ADCY2: variants seen among roughly 807,000 people sequenced by gnomAD.
The protein encoded by ADCY2 is adenylate cyclase 2.
ADCY2 carries 31 observed loss-of-function variants against 125.2 expected under a neutral mutation model. That is an observed-to-expected ratio of 0.25 (90% confidence interval 0.19 to 0.33). The LOEUF is 0.33. Ranked by LOEUF, ADCY2 falls within the 10% of genes least tolerant of loss-of-function variation. The probability of loss-of-function intolerance (pLI) is 1.00; values close to 1 mark genes in which losing one functional copy is unlikely to be tolerated. For synonymous variants in ADCY2, 512 were observed against 548.4 expected (o/e 0.93, Z 0.93); for missense variants, 904 against 1,418.2 (o/e 0.64, Z 5.82).
chr5:7,402,544 G>A (rs1739303680), intron 1 of ADCY2, among the ~76,000 whole-genome samples: 1 of 152,276 alleles, frequency 6.6e-6, no homozygotes, highest in Non-Finnish European at 1.5e-5. Context: ...AAAAACCATT[G>A]TGGGCTGCTT....
intron 9 of ADCY2, chr5:7,708,067 C>A: frequency 2.2e-6 from 1 of 461,968 alleles, no homozygotes; most frequent in Non-Finnish European, 3.7e-6. Flanking sequence ...GGTGTTGATG[C>A]AGGTTGCTAG....
intron 2 of ADCY2, among the ~76,000 whole-genome samples, chr5:7,466,451 C>T (rs551827840): frequency 2.0e-5 from 3 of 152,296 alleles, no homozygotes; most frequent in Admixed American, 2.0e-4. Context: ...CCCCTTTTTA[C>T]AGGTGAAACC....
At chr5:7,412,662 C>T (rs574075196) in intron 1 of ADCY2, among the ~76,000 whole-genome samples, 3 of 152,366 alleles carry the variant, frequency 2.0e-5, no homozygotes, top group African/African-American at 7.2e-5. Context: ...TACTTGTTTT[C>T]TGCCAGTTCT....
intron 4 of ADCY2, chr5:7,657,912 G>A (rs1739393207): frequency 6.6e-6 from 1 of 152,234 alleles, no homozygotes; most frequent in Admixed American, 6.5e-5. Flanking sequence ...TGTGACTGAG[G>A]AGGGAGGCAG....
chr5:7,436,639 G>T (rs1740814478), intron 2 of ADCY2, among the ~76,000 whole-genome samples: 1 of 152,228 alleles, frequency 6.6e-6, no homozygotes, highest in Non-Finnish European at 1.5e-5. Context: ...ATCCCTGGAT[G>T]TTGACAGTGA....
intron 3 of ADCY2, among the ~76,000 whole-genome samples, chr5:7,613,164 A>G (rs1278153575): frequency 1.3e-5 from 2 of 152,060 alleles, no homozygotes; most frequent in African/African-American, 4.8e-5. Context: ...TAATAATAAA[A>G]AAAAAAAGAT....
chr5:7,511,587 A>C (rs1449092008), intron 2 of ADCY2, among the ~76,000 whole-genome samples: 7 of 152,098 alleles, frequency 4.6e-5, no homozygotes. Flanking sequence ...AAAAGAAAAA[A>C]AAATGTAGTG....
intron 2 of ADCY2, among the ~76,000 whole-genome samples, chr5:7,457,615 C>A (rs1387460787): frequency 6.6e-6 from 1 of 152,176 alleles, no homozygotes; most frequent in African/African-American, 2.4e-5. Flanking sequence ...CAAAGTCACA[C>A]CCTAAATGGG....
intron 17 of ADCY2, among the ~76,000 whole-genome samples, chr5:7,767,645 C>A (rs1743426681): frequency 6.6e-6 from 1 of 152,166 alleles, no homozygotes; most frequent in Admixed American, 6.5e-5. Flanking sequence ...ATTCCTCCTT[C>A]TCTGATTTGC....
chr5:7,535,942 G>T (rs1263234345), intron 3 of ADCY2, among the ~76,000 whole-genome samples: 1 of 152,158 alleles, frequency 6.6e-6, no homozygotes, highest in Non-Finnish European at 1.5e-5. Context: ...AGTCAGAGAA[G>T]GTCGCCATTT....
chr5:7,779,237 T>C (rs745691225), intron 18 of ADCY2, among the ~76,000 whole-genome samples: 4 of 152,216 alleles, frequency 2.6e-5, no homozygotes, highest in Non-Finnish European at 5.9e-5. Context: ...GTGAACTACT[T>C]CTCTATCTGA....
chr5:7,680,198 A>T (rs550249721), intron 4 of ADCY2, among the ~76,000 whole-genome samples: 1 of 152,128 alleles, frequency 6.6e-6, no homozygotes. Flanking sequence ...AGCAGTCTGG[A>T]TTGTCATAAA....
chr5:7,814,406 G>A (rs1025067131), intron 22 of ADCY2, among the ~76,000 whole-genome samples: 7 of 151,908 alleles, frequency 4.6e-5, no homozygotes, highest in Admixed American at 3.9e-4. Flanking sequence ...GAGAGGTGAA[G>A]GATGCCCCTG....
At chr5:7,551,251 T>C (rs557294424) in intron 3 of ADCY2, among the ~76,000 whole-genome samples, 1 of 152,142 alleles carries the variant, frequency 6.6e-6, no homozygotes, top group Admixed American at 6.5e-5. Flanking sequence ...GGTTGGGAGA[T>C]GCAAAGGAAA....
At chr5:7,561,877 A>G (rs1033144758) in intron 3 of ADCY2, among the ~76,000 whole-genome samples, 7 of 152,176 alleles carry the variant, frequency 4.6e-5, no homozygotes, top group African/African-American at 1.2e-4. Context: ...CAAGTTGCCA[A>G]TTTGGTTAGG....
chr5:7,476,158 A>G (rs904876688), intron 2 of ADCY2, among the ~76,000 whole-genome samples: 3 of 152,090 alleles, frequency 2.0e-5, no homozygotes, highest in African/African-American at 7.2e-5. Context: ...CTGAAAATAC[A>G]TTTTCCACAT....
chr5:7,666,561 C>G (rs993405184), intron 4 of ADCY2, among the ~76,000 whole-genome samples: 1 of 152,250 alleles, frequency 6.6e-6, no homozygotes, highest in African/African-American at 2.4e-5. Context: ...AGCCACTGTG[C>G]TTGGCCGGGT....
At chr5:7,663,578 T>A in intron 4 of ADCY2, among the ~76,000 whole-genome samples, 1 of 152,322 alleles carries the variant, frequency 6.6e-6, no homozygotes, top group East Asian at 1.9e-4. Context: ...ATTAAGGGTG[T>A]TTATTCCAGG....
rs146085704 is a variant in ADCY2, at chr5:7,495,594, TGAG to T, written c.409-25140_409-25138del. 1.4e-4 allele frequency among the ~76,000 whole-genome samples: 22 copies of T among 152,314 alleles called. No individual in the cohort carries two copies. The East Asian group carries it at 4.1e-3, about 28-fold the overall frequency. On this transcript the variant is annotated intron_variant, in intron 2 of 24. Transcript: ENST00000338316. The stretch of plus-strand genomic sequence containing the variant: ...TGTATTTATGAATTGCTTTTAATCT[TGAG>T]GAGACTAAGTTATTTCATCTGTTGG...
Sources: gnomAD v4.1 joint callset for allele counts (sites outside exome capture counted in the v4.1 genomes callset) on GRCh38, gnomAD v4.1.1 for gene constraint, MANE v1.5 for transcripts, NCBI Gene and HGNC (gene_info 2026-07-23, HGNC 2026-07-21) for gene names.